Variants in PPM1H observed in about 807,000 individuals in gnomAD.
PPM1H encodes protein phosphatase, Mg2+/Mn2+ dependent 1H.
Under a neutral mutation model 54.9 loss-of-function variants are expected in PPM1H, and 27 were observed. The ratio of observed to expected loss-of-function variants is 0.49; its 90% CI spans 0.36 to 0.68. The LOEUF (loss-of-function observed/expected upper bound fraction) is 0.68, where lower values mean the gene tolerates loss of function less well. Ranked by LOEUF, PPM1H falls within the 30% of genes least tolerant of loss-of-function variation. The pLI is 0.00. For missense variants in PPM1H, 596 were observed against 667.8 expected, an observed-to-expected ratio of 0.89 and a Z score of 1.19; for synonymous variants, 305 against 270.8, an observed-to-expected ratio of 1.13 and a Z score of -1.24.
chr12:62,740,143 C>T (rs2076373271), intron 4 of PPM1H, among the ~76,000 whole-genome samples: 2 of 152,126 alleles, frequency 1.3e-5, no homozygotes. Flanking sequence ...TTTTTTCTTT[C>T]CTAAGAACCT....
Position 62,648,507 on chromosome 12 carries a change from A to G in PPM1H, c.1527T>C (p.His509=). Residue 509 remains histidine (H), a synonymous_variant, in exon 10 of 10, where the codon CAT becomes CAC. Coordinates refer to ENST00000228705, the MANE Select transcript of PPM1H (RefSeq NM_020700.2). ...GCCATTTTCATGACAGCTTGTTTCC[A>G]TGTATTAAAGGAATGACATATACAG... The part of the protein sequence containing the change: ...DISVYVIPLI[H]GNKLS The G allele has an allele frequency of 6.2e-7, 1 of 1,613,926 alleles. No individual in the cohort carries two copies. The highest frequency in any genetic ancestry group is 8.5e-7 in the Non-Finnish European group (1 of 1,179,874).
At chr12:62,914,499 G>A (rs886068640) in intron 1 of PPM1H, among the ~76,000 whole-genome samples, 4 of 152,226 alleles carry the variant, frequency 2.6e-5, no homozygotes, top group Admixed American at 2.6e-4. Flanking sequence ...GGAAAAGGAA[G>A]TGTGTTGTTT....
intron 2 of PPM1H, among the ~76,000 whole-genome samples, chr12:62,803,553 A>T (rs540145275): frequency 1.3e-3 from 197 of 152,310 alleles, no homozygotes; most frequent in African/African-American, 4.6e-3. Context: ...AACTCAAAAT[A>T]GCCTAAAGAC....
chr12:62,826,060 G>A (rs897906265), intron 2 of PPM1H, among the ~76,000 whole-genome samples: 1 of 152,138 alleles, frequency 6.6e-6, no homozygotes, highest in Non-Finnish European at 1.5e-5. Flanking sequence ...AAAATGGGAG[G>A]CTGAAAAGGA....
chr12:62,892,622 T>C (rs1243330238), intron 1 of PPM1H, among the ~76,000 whole-genome samples: 4 of 152,194 alleles, frequency 2.6e-5, no homozygotes, highest in Non-Finnish European at 4.4e-5. Flanking sequence ...TTTGAAGATA[T>C]TTTATATGCA....
At chr12:62,663,811 G>A (rs2075900255) in intron 9 of PPM1H, among the ~76,000 whole-genome samples, 1 of 152,090 alleles carries the variant, frequency 6.6e-6, no homozygotes, top group Admixed American at 6.6e-5. Context: ...GACCAACATG[G>A]AGAAACCCCA....
chr12:62,798,069 A>C (rs192728096), intron 3 of PPM1H, among the ~76,000 whole-genome samples: 21 of 152,342 alleles, frequency 1.4e-4, no homozygotes, highest in African/African-American at 4.6e-4. Flanking sequence ...GGTATCTGAG[A>C]CAGGTCTCAA....
At chr12:62,755,849 C>T (rs1358715422) in intron 4 of PPM1H, 4 of 786,882 alleles carry the variant, frequency 5.1e-6, no homozygotes, top group Non-Finnish European at 9.1e-6. Flanking sequence ...GAACATCATC[C>T]CTGCCTCTAC....
chr12:62,929,081 A>C (rs1872055444), intron 1 of PPM1H, among the ~76,000 whole-genome samples: 1 of 152,206 alleles, frequency 6.6e-6, no homozygotes, highest in East Asian at 1.9e-4. Context: ...AATTACCCAG[A>C]AGCATTAAGA....
At chr12:62,742,420 G>A (rs145792776) in intron 4 of PPM1H, among the ~76,000 whole-genome samples, 2 of 152,224 alleles carry the variant, frequency 1.3e-5, no homozygotes, top group African/African-American at 4.8e-5. Flanking sequence ...CTCTGATCTT[G>A]GGATCAATTT....
chr12:62,861,940 T>C (rs479145), intron 1 of PPM1H, among the ~76,000 whole-genome samples: 21,579 of 152,232 alleles, frequency 0.14, 1,711 homozygotes, highest in East Asian at 0.38. Flanking sequence ...GAAAATACAA[T>C]GTGGGCCAAA....
intron 6 of PPM1H, among the ~76,000 whole-genome samples, chr12:62,700,585 C>T (rs2076138663): frequency 6.6e-6 from 1 of 152,172 alleles, no homozygotes; most frequent in South Asian, 2.1e-4. Context: ...ATTTCAACAC[C>T]TTCCCTGCTG....
chr12:62,902,518 C>T (rs1457092881), intron 1 of PPM1H, among the ~76,000 whole-genome samples: 2 of 152,232 alleles, frequency 1.3e-5, no homozygotes, highest in Non-Finnish European at 2.9e-5. Flanking sequence ...GATCCCAGGA[C>T]TCAGCCTTCT....
intron 1 of PPM1H, among the ~76,000 whole-genome samples, chr12:62,890,148 G>A (rs1420091212): frequency 6.6e-6 from 1 of 152,140 alleles, no homozygotes; most frequent in East Asian, 1.9e-4. Flanking sequence ...TAAACAGAAG[G>A]CAAATAAACA....
intron 5 of PPM1H, among the ~76,000 whole-genome samples, chr12:62,723,944 T>G (rs1194819701): frequency 2.6e-5 from 4 of 152,112 alleles, no homozygotes; most frequent in African/African-American, 9.7e-5. Context: ...AGAATTCCCC[T>G]TACTCCTCCT....
At chr12:62,893,474 T>C (rs1478836871) in intron 1 of PPM1H, among the ~76,000 whole-genome samples, 4 of 152,098 alleles carry the variant, frequency 2.6e-5, no homozygotes, top group Middle Eastern at 3.2e-3. Context: ...TTTTTTTTTC[T>C]GAGACAGGGT....
At chr12:62,924,116 C>T (rs1416170566) in intron 1 of PPM1H, among the ~76,000 whole-genome samples, 1 of 152,112 alleles carries the variant, frequency 6.6e-6, no homozygotes, top group Non-Finnish European at 1.5e-5. Context: ...CTCAATATTT[C>T]TGAAATGATA....
At chr12:62,686,860 G>T (rs574036192) in intron 8 of PPM1H, among the ~76,000 whole-genome samples, 10 of 150,906 alleles carry the variant, frequency 6.6e-5, no homozygotes, top group Admixed American at 4.6e-4. Flanking sequence ...ATGGATGCCA[G>T]CCCAGCTCTA....
intron 3 of PPM1H, among the ~76,000 whole-genome samples, chr12:62,797,181 T>A (rs1020930543): frequency 6.6e-6 from 1 of 152,052 alleles, no homozygotes; most frequent in African/African-American, 2.4e-5. Context: ...TGAGCTCTTA[T>A]AAATAAAGCA....
Sources: gnomAD v4.1 joint callset for allele counts (sites outside exome capture counted in the v4.1 genomes callset) on GRCh38, gnomAD v4.1.1 for gene constraint, MANE v1.5 for transcripts, NCBI Gene and HGNC (gene_info 2026-07-23, HGNC 2026-07-21) for gene names.